STXBP5L: variants seen among roughly 807,000 people sequenced by gnomAD.
STXBP5L encodes syntaxin binding protein 5L.
STXBP5L carries 65 observed loss-of-function variants against 144.5 expected under a neutral mutation model. That is an observed-to-expected ratio of 0.45 (90% CI 0.37 to 0.55). STXBP5L has a LOEUF of 0.55. Among genes scored for constraint, STXBP5L ranks in the 20% least tolerant of loss-of-function variants. The pLI is 0.00. For missense variants in STXBP5L, 1,298 were observed against 1,405.5 expected, an observed-to-expected ratio of 0.92 and a Z score of 1.22; for synonymous variants, 505 against 469.6, an observed-to-expected ratio of 1.08 and a Z score of -0.97.
chr3:121,077,331 G>A (rs7625603), intron 5 of STXBP5L, among the ~76,000 whole-genome samples: 15,031 of 152,090 alleles, frequency 0.099, 1,170 homozygotes, highest in Admixed American at 0.2. Context: ...GAATGAAGCC[G>A]CGGACCTTCA....
At position 121,045,470 on chromosome 3, in the gene STXBP5L, T is replaced by G; in HGVS notation, c.405T>G (p.Leu135=). The change falls in exon 5 of 27, where the codon CTT becomes CTG. Residue 135 remains leucine, a synonymous_variant. Transcript: ENST00000471454. ...TCAGTGCAAGTTCAGATGATACACTTCATTTGTGGAACCTTAGACAAAAAA... is the reference window on the plus strand; with the variant it reads ...TCAGTGCAAGTTCAGATGATACACTGCATTTGTGGAACCTTAGACAAAAAA... ...ALVSASSDDT[L]HLWNLRQKRP... 1 of 1,613,320 alleles carries G rather than the reference T, an allele frequency of 6.2e-7. No homozygotes were observed. Among genetic ancestry groups the G allele is most frequent in the Non-Finnish European group, 8.5e-7 (1 of 1,179,524 alleles).
intron 9 of STXBP5L, among the ~76,000 whole-genome samples, chr3:121,185,104 C>T (rs73191424): frequency 0.026 from 3,957 of 152,246 alleles, 73 homozygotes; most frequent in Middle Eastern, 0.061. Flanking sequence ...ACTGCAAAAA[C>T]ATACCAGATT....
chr3:121,068,613 C>T (rs903289955), intron 5 of STXBP5L, among the ~76,000 whole-genome samples: 1 of 151,982 alleles, frequency 6.6e-6, no homozygotes, highest in Admixed American at 6.6e-5. Context: ...TGCACTTTAC[C>T]TCTATTTACC....
At chr3:121,358,692 A>G (rs1362026370) in intron 20 of STXBP5L, among the ~76,000 whole-genome samples, 1 of 152,200 alleles carries the variant, frequency 6.6e-6, no homozygotes, top group African/African-American at 2.4e-5. Flanking sequence ...CTCTCTGTCC[A>G]TGAGTTTAAT....
At chr3:120,994,496 G>T (rs1001672929) in intron 3 of STXBP5L, among the ~76,000 whole-genome samples, 1 of 151,928 alleles carries the variant, frequency 6.6e-6, no homozygotes, top group Non-Finnish European at 1.5e-5. Flanking sequence ...TTTTTATTTT[G>T]AGAGTTGAGA....
intron 20 of STXBP5L, among the ~76,000 whole-genome samples, chr3:121,326,880 A>G (rs1049540221): frequency 2.6e-5 from 4 of 152,160 alleles, no homozygotes; most frequent in African/African-American, 9.6e-5. Context: ...ATAACAAAGT[A>G]GAAATTCTTC....
chr3:121,142,441 G>A (rs571442626), intron 7 of STXBP5L, among the ~76,000 whole-genome samples: 4 of 151,826 alleles, frequency 2.6e-5, no homozygotes, highest in African/African-American at 4.8e-5. Context: ...CCCAACAGCA[G>A]CAAGATATAC....
chr3:121,156,852 A>C (rs547010381), intron 8 of STXBP5L, among the ~76,000 whole-genome samples: 6 of 152,098 alleles, frequency 3.9e-5, no homozygotes, highest in South Asian at 4.2e-4. Context: ...GGATATTCAT[A>C]GGTTGTATGC....
chr3:121,407,668 A>C (rs2047025007), intron 23 of STXBP5L, 65 bp downstream of exon 23: 4 of 1,594,848 alleles, frequency 2.5e-6, no homozygotes, highest in Non-Finnish European at 3.4e-6. Flanking sequence ...ATCCTAAAAA[A>C]TATATGTGTT....
At chr3:121,058,856 T>C (rs1948631513) in intron 5 of STXBP5L, among the ~76,000 whole-genome samples, 1 of 152,248 alleles carries the variant, frequency 6.6e-6, no homozygotes, top group Non-Finnish European at 1.5e-5. Context: ...AAGTTCTTTG[T>C]AGATTCTGGA....
chr3:120,972,926 T>C (rs1323248865), intron 3 of STXBP5L, among the ~76,000 whole-genome samples: 3 of 152,144 alleles, frequency 2.0e-5, no homozygotes, highest in Non-Finnish European at 2.9e-5. Context: ...AAACTCACTC[T>C]ATTGTGGTGT....
intron 3 of STXBP5L, among the ~76,000 whole-genome samples, chr3:121,029,124 A>G (rs1946176557): frequency 6.6e-6 from 1 of 152,194 alleles, no homozygotes; most frequent in Non-Finnish European, 1.5e-5. Flanking sequence ...TCATAGATTC[A>G]ATGCTATCCC....
chr3:120,992,727 A>G (rs563450256), intron 3 of STXBP5L, among the ~76,000 whole-genome samples: 40 of 152,092 alleles, frequency 2.6e-4, no homozygotes, highest in Non-Finnish European at 5.1e-4. Flanking sequence ...GCTTGATTCT[A>G]TATCTTTGCA....
At chr3:120,974,628 C>A (rs1353907833) in intron 3 of STXBP5L, among the ~76,000 whole-genome samples, 1 of 152,132 alleles carries the variant, frequency 6.6e-6, no homozygotes, top group East Asian at 1.9e-4. Context: ...ATGCCTATGT[C>A]CTGAATGTTA....
chr3:121,026,041 T>C (rs1945915988), intron 3 of STXBP5L, among the ~76,000 whole-genome samples: 1 of 146,100 alleles, frequency 6.8e-6, no homozygotes, highest in African/African-American at 2.5e-5. Context: ...AAGTTATATA[T>C]AATTATAATT....
intron 25 of STXBP5L, among the ~76,000 whole-genome samples, 184 bp from the exon 26 acceptor site, chr3:121,418,153 T>C (rs1210644698): frequency 6.6e-6 from 1 of 152,152 alleles, no homozygotes; most frequent in Non-Finnish European, 1.5e-5. Flanking sequence ...TCTCACAGTC[T>C]CTTTCTTAGC....
chr3:120,962,711 G>C (rs868241889), intron 3 of STXBP5L, among the ~76,000 whole-genome samples: 4 of 152,316 alleles, frequency 2.6e-5, no homozygotes, highest in Middle Eastern at 3.4e-3. Context: ...CAGGTAGCAT[G>C]ATGGCTCCAG....
chr3:121,117,122 A>G (rs201916240), intron 6 of STXBP5L, among the ~76,000 whole-genome samples: 1 of 151,900 alleles, frequency 6.6e-6, no homozygotes, highest in East Asian at 1.9e-4. Context: ...TATAGTCTAT[A>G]CAATTTCAAG....
chr3:121,288,688 CA>C (rs913538511), intron 19 of STXBP5L, among the ~76,000 whole-genome samples: 7 of 151,822 alleles, frequency 4.6e-5, no homozygotes, highest in Admixed American at 1.3e-4. Flanking sequence ...TTAATAAAAT[CA>C]TTTTTTTTGT....
Sources: gnomAD v4.1 joint callset for allele counts (sites outside exome capture counted in the v4.1 genomes callset) on GRCh38, gnomAD v4.1.1 for gene constraint, MANE v1.5 for transcripts, NCBI Gene and HGNC (gene_info 2026-07-23, HGNC 2026-07-21) for gene names.